The following GLMN variants were observed in gnomAD, a reference collection of about 807,000 sequenced individuals.
GLMN encodes glomulin, FKBP associated protein.
A neutral mutation model predicts 87.8 loss-of-function variants in GLMN; 75 were observed. The ratio of observed to expected loss-of-function variants is 0.85; its 90% CI spans 0.71 to 1.04. GLMN has a LOEUF of 1.04. GLMN is among the 50% of genes least tolerant of loss of function. The pLI is 0.00. For missense variants in GLMN, 588 were observed against 658.8 expected (o/e 0.89, Z 1.18); for synonymous variants, 206 against 221.6 (o/e 0.93, Z 0.63).
At chr1:92,289,659 T>A (rs1381925913) in intron 5 of GLMN, among the ~76,000 whole-genome samples, 1 of 152,248 alleles carries the variant, frequency 6.6e-6, no homozygotes, top group Admixed American at 6.5e-5. Context: ...CTATGGATAC[T>A]GTCTGCCTTG....
At chr1:92,252,705 T>A (rs1653680862) in intron 16 of GLMN, among the ~76,000 whole-genome samples, 1 of 152,240 alleles carries the variant, frequency 6.6e-6, no homozygotes, top group South Asian at 2.1e-4. Flanking sequence ...AGATCGTTTT[T>A]AAAGAAATAA....
At chr1:92,291,390 T>C in intron 4 of GLMN, 28 bp downstream of exon 4, 1 of 1,526,630 alleles carries the variant, frequency 6.6e-7, no homozygotes, top group Non-Finnish European at 9.1e-7. Flanking sequence ...TGTGTTATGA[T>C]AAAGAGAACC....
At chr1:92,324,114 C>T in the GLMN span, 32 of 1,613,902 alleles carry the variant, frequency 2.0e-5, no homozygotes, top group Middle Eastern at 1.6e-4. Flanking sequence ...GTCTGAAACC[C>T]GAAGCCTCTC....
the GLMN span, among the ~76,000 whole-genome samples, chr1:92,305,244 A>G: frequency 6.6e-6 from 1 of 151,950 alleles, no homozygotes; most frequent in Non-Finnish European, 1.5e-5. Context: ...CATCCTGGCT[A>G]ACACAGTGAA....
Position 92,248,152 on chromosome 1 carries a change from A to G in GLMN, c.1474-163T>C, listed in dbSNP as rs1197439637. Reference sequence around the variant, plus strand: ...TATTACTATAGCTAGTTATGTGAATACCAATTAAAAGAAAAATGTACTTGG... The same window carrying G: ...TATTACTATAGCTAGTTATGTGAATGCCAATTAAAAGAAAAATGTACTTGG... On this transcript the variant is annotated intron_variant, in intron 16 of 18. Coordinates refer to ENST00000370360, the MANE Select transcript of GLMN (RefSeq NM_053274.3). 11 of 577,976 alleles carry G rather than the reference A, an allele frequency of 1.9e-5. 1 individual carries two copies. The highest frequency in any genetic ancestry group is 3.4e-5 in the Non-Finnish European group (11 of 326,294). 35.8% of individuals were successfully genotyped at this position (577,976 alleles called of 1,614,324 possible).
At chr1:92,350,282 CTCTTAT>C in the GLMN span, among the ~76,000 whole-genome samples, 6 of 152,106 alleles carry the variant, frequency 3.9e-5, no homozygotes, top group African/African-American at 9.7e-5. Context: ...TAAAAATGTC[CTCTTAT>C]TCTTATTTAA....
intron 7 of GLMN, among the ~76,000 whole-genome samples, chr1:92,284,998 G>A (rs1283950553): frequency 1.3e-5 from 2 of 152,062 alleles, no homozygotes; most frequent in East Asian, 1.9e-4. Flanking sequence ...AAATAGGAAC[G>A]CTTTTACACT....
chr1:92,309,902 G>T, the GLMN span, among the ~76,000 whole-genome samples: 4 of 152,272 alleles, frequency 2.6e-5, no homozygotes, highest in Non-Finnish European at 5.9e-5. Flanking sequence ...TCAAGTATTG[G>T]GGAGCCATCA....
intron 7 of GLMN, among the ~76,000 whole-genome samples, chr1:92,278,631 G>A (rs1253703940): frequency 1.3e-5 from 2 of 151,944 alleles, no homozygotes; most frequent in African/African-American, 4.8e-5. Flanking sequence ...CTGAGCCTGG[G>A]AATACATCTG....
the GLMN span, among the ~76,000 whole-genome samples, chr1:92,313,015 G>A: frequency 2.0e-5 from 3 of 152,152 alleles, no homozygotes; most frequent in Middle Eastern, 3.4e-3. Flanking sequence ...ACAGGCATGC[G>A]CCACCACACC....
the GLMN span, chr1:92,333,533 C>A: frequency 1.8e-6 from 2 of 1,131,008 alleles, no homozygotes; most frequent in Non-Finnish European, 2.7e-6. Context: ...GACATTTAAG[C>A]TCATAATGTG....
chr1:92,253,138 A>G (rs1653757125), intron 16 of GLMN, among the ~76,000 whole-genome samples: 1 of 152,216 alleles, frequency 6.6e-6, no homozygotes, highest in African/African-American at 2.4e-5. Flanking sequence ...GAAACAACTT[A>G]CACAATATGC....
At chr1:92,360,590 G>A in the GLMN span, among the ~76,000 whole-genome samples, 1 of 152,114 alleles carries the variant, frequency 6.6e-6, no homozygotes, top group East Asian at 1.9e-4. Context: ...GGTGGAATGT[G>A]GCCCATGAAG....
intron 7 of GLMN, among the ~76,000 whole-genome samples, chr1:92,284,877 A>G (rs1648543218): frequency 6.6e-6 from 1 of 152,240 alleles, no homozygotes; most frequent in Non-Finnish European, 1.5e-5. Context: ...GCTCATCATC[A>G]CTGGTCATCA....
At chr1:92,333,586 GA>G in the GLMN span, 3 of 755,060 alleles carry the variant, frequency 4.0e-6, no homozygotes, top group Middle Eastern at 3.1e-4. Flanking sequence ...AAAATAATGT[GA>G]AAAGTTCACA....
the GLMN span, chr1:92,324,411 T>A: frequency 6.7e-7 from 1 of 1,491,016 alleles, no homozygotes; most frequent in Non-Finnish European, 9.2e-7. Context: ...TCCAGATCGT[T>A]AACATTTGGA....
At chr1:92,315,657 T>C in the GLMN span, among the ~76,000 whole-genome samples, 1 of 152,202 alleles carries the variant, frequency 6.6e-6, no homozygotes, top group South Asian at 2.1e-4. Flanking sequence ...GCTCACTACC[T>C]CATTGGTATA....
intron 16 of GLMN, among the ~76,000 whole-genome samples, chr1:92,259,628 C>T (rs915289588): frequency 3.3e-5 from 5 of 152,036 alleles, no homozygotes; most frequent in Non-Finnish European, 7.4e-5. Context: ...CCTCTTAGCA[C>T]ACTTAAGTGC....
At chr1:92,247,780 G>A (rs1652891192) in intron 17 of GLMN, 98 bp downstream of exon 17, 1 of 702,046 alleles carries the variant, frequency 1.4e-6, no homozygotes. Context: ...GGTCTCTAAA[G>A]TACAAGATTT....
Sources: allele counts gnomAD v4.1 joint callset (sites outside exome capture counted in the v4.1 genomes callset), GRCh38; gene constraint gnomAD v4.1.1; transcripts MANE v1.5; gene names NCBI Gene and HGNC (gene_info 2026-07-23, HGNC 2026-07-21).